Variants in ARHGEF11 observed in about 807,000 individuals in gnomAD.
The protein encoded by ARHGEF11 is Rho guanine nucleotide exchange factor 11.
ARHGEF11 carries 55 observed loss-of-function variants against 193.7 expected under a neutral mutation model. The observed-to-expected ratio is 0.28, with a 90% CI of 0.23 to 0.36. The LOEUF (loss-of-function observed/expected upper bound fraction) is 0.36. Among genes scored for constraint, ARHGEF11 ranks in the 10% least tolerant of loss-of-function variants. The pLI, the probability that ARHGEF11 is intolerant of heterozygous loss-of-function variation, is 1.00. For missense variants in ARHGEF11, 1,723 were observed against 2,005.6 expected (o/e 0.86, Z 2.69); for synonymous variants, 693 against 768.0 (o/e 0.90, Z 1.62).
chr1:156,956,369 C>A, intron 19 of ARHGEF11, 51 bp downstream of exon 19: 1 of 1,593,788 alleles, frequency 6.3e-7, no homozygotes. Flanking sequence ...CCCGCCTTGG[C>A]ATTCCAAAGT....
intron 9 of ARHGEF11, 38 bp from the exon 10 acceptor site, chr1:156,969,396 G>A (rs1363336841): frequency 1.9e-6 from 3 of 1,558,152 alleles, no homozygotes; most frequent in Non-Finnish European, 2.6e-6. Context: ...AGAAGGAGCT[G>A]TGGCCTAGGG....
intron 35 of ARHGEF11, among the ~76,000 whole-genome samples, chr1:156,940,644 G>C (rs1355139440): frequency 6.6e-6 from 1 of 152,164 alleles, no homozygotes; most frequent in African/African-American, 2.4e-5. Flanking sequence ...TTCTAGGGGA[G>C]GGACATACAA....
rs1654845571 is a variant in ARHGEF11, at chr1:156,935,202, A to G, written c.*798T>C. 1 of 152,428 alleles carries G rather than the reference A, an allele frequency of 6.6e-6. No individual in the cohort carries two copies. The highest frequency in any genetic ancestry group is 1.5e-5 in the Non-Finnish European group (1 of 68,032). 9.4% of individuals were successfully genotyped at this position (152,428 alleles called of 1,614,324 possible). A position where few individuals can be genotyped will look rare whatever the true frequency, so the allele number is the denominator to read the frequency against. ...GGGACAGGGTGGGGAAGAGGGGGAC[A>G]TAGGTGGGGTAAGAAACCCCCATGA... On this transcript the variant is annotated 3_prime_UTR_variant, in exon 41 of 41. Transcript: ENST00000368194.
intron 40 of ARHGEF11, 35 bp downstream of exon 40, chr1:156,936,781 A>G (rs868669): frequency 0.028 from 44,023 of 1,591,972 alleles, 738 homozygotes; most frequent in South Asian, 0.06. Flanking sequence ...TTCTCCCCCA[A>G]TGGTAGGAAC....
intron 1 of ARHGEF11, among the ~76,000 whole-genome samples, chr1:157,002,272 C>T (rs566930204): frequency 7.9e-5 from 12 of 152,252 alleles, no homozygotes; most frequent in Admixed American, 1.3e-4. Flanking sequence ...AGGAAATGAA[C>T]CTGGATTGGC....
Position 156,940,118 on chromosome 1 carries a change from G to A in ARHGEF11, c.3733+89C>T, listed in dbSNP as rs144855685. 1,142 of 1,453,034 alleles carry A rather than the reference G, an allele frequency of 7.9e-4. 3 individuals carry two copies. Among genetic ancestry groups the A allele is most frequent in the Middle Eastern group, 1.5e-3 (6 of 3,926 alleles). 90.0% of individuals were successfully genotyped at this position (1,453,034 alleles called of 1,614,324 possible). ...CTCAAGCACACCAGGAAGAGCCTTC[G>A]GGAAGGTGGAGGGTGCAGGCGCCTG... On this transcript the variant is annotated intron_variant, in intron 36 of 40. Coordinates refer to ENST00000368194, the MANE Select transcript of ARHGEF11 (RefSeq NM_198236.3).
intron 1 of ARHGEF11, among the ~76,000 whole-genome samples, chr1:157,024,519 T>C (rs1670412292): frequency 2.6e-5 from 4 of 152,308 alleles, no homozygotes; most frequent in Admixed American, 2.6e-4. Flanking sequence ...GGCTATGGAT[T>C]GTGAAGTCAT....
upstream of ARHGEF11, among the ~76,000 whole-genome samples, chr1:157,046,467 CTTA>C (rs1673339474): frequency 1.3e-5 from 2 of 152,048 alleles, no homozygotes; most frequent in South Asian, 4.1e-4. Flanking sequence ...CTCTTCTGAT[CTTA>C]TTTTTCAAAC....
intron 1 of ARHGEF11, among the ~76,000 whole-genome samples, chr1:157,000,311 A>G (rs1008495612): frequency 6.6e-6 from 1 of 152,206 alleles, no homozygotes; most frequent in African/African-American, 2.4e-5. Flanking sequence ...AAGATAAGTA[A>G]ATATGTTCTG....
rs1347756439 is a variant in ARHGEF11 at position 156,936,509 on chromosome 1, T to A, written c.4630+307A>T. On this transcript the variant is annotated intron_variant, in intron 40 of 40. Transcript: ENST00000368194. ...AAAAAAAAAAAAAAATATATATATA[T>A]ATATATATATATATATAAAATTAAA... Among the ~76,000 whole-genome samples, 13 of 123,804 alleles carry A rather than the reference T, an allele frequency of 1.1e-4. 2 individuals carry two copies. The highest frequency in any genetic ancestry group is 4.0e-4 in the African/African-American group (11 of 27,574). The allele number at this position is 123,804 out of a possible 152,430, so 81.2% of individuals were successfully genotyped here.
At chr1:156,976,939 T>C (rs1663345187) in intron 7 of ARHGEF11, 44 bp downstream of exon 7, 1 of 1,545,486 alleles carries the variant, frequency 6.5e-7, no homozygotes, top group Non-Finnish European at 8.9e-7. Context: ...TAAAGTATTA[T>C]TTCACTCAGG....
chr1:156,949,093 T>C, intron 22 of ARHGEF11: 2 of 985,436 alleles, frequency 2.0e-6, no homozygotes. Context: ...CCAGTTGTGA[T>C]GTGGATGAGT....
intron 1 of ARHGEF11, 36 bp downstream of exon 1, chr1:157,044,263 G>A (rs879244132): frequency 1.3e-6 from 2 of 1,599,696 alleles, no homozygotes; most frequent in South Asian, 2.2e-5. Context: ...CTTTCCTTTA[G>A]TCAATGTTGA....
At position 156,947,093 on chromosome 1, in the gene ARHGEF11, ATC is replaced by A. The variant is rs1658282067; in HGVS notation, c.2489-80_2489-79del. 3 of 1,552,770 alleles carry A rather than the reference ATC, an allele frequency of 1.9e-6. No individual in the cohort carries two copies. The African/African-American group carries it at 4.1e-5, about 21-fold the overall frequency. On this transcript the variant is annotated intron_variant, in intron 26 of 40. Transcript: ENST00000368194. The stretch of plus-strand genomic sequence containing the variant: ...GAACCTTTCTGACAGAGAGAAGTGA[ATC>A]TCTGACAGCAGTGCCATGGGAAGGG...
At chr1:156,967,755 G>A (rs1403383142) in intron 11 of ARHGEF11, among the ~76,000 whole-genome samples, 1 of 152,202 alleles carries the variant, frequency 6.6e-6, no homozygotes, top group Non-Finnish European at 1.5e-5. Flanking sequence ...CCCTACAGAT[G>A]CATTCACCCA....
chr1:157,023,300 C>G (rs746829791), intron 1 of ARHGEF11, among the ~76,000 whole-genome samples: 1 of 151,788 alleles, frequency 6.6e-6, no homozygotes, highest in Non-Finnish European at 1.5e-5. Flanking sequence ...AATAAAGGGA[C>G]GAATAACTTA....
rs368852567 is a variant in ARHGEF11, at chr1:156,980,543, C to G, written c.224-57G>C. 16 of 1,544,002 alleles carry G rather than the reference C, an allele frequency of 1.0e-5. No individual in the cohort carries two copies. The Admixed American group carries it at 2.9e-4, about 28-fold the overall frequency. ...AACAACCTCTTCCACTGAAGCTACA[C>G]GAAGGTCCCTGTCAGATCACCTCTC... On this transcript the variant is annotated intron_variant, in intron 3 of 40. Coordinates refer to ENST00000368194, the MANE Select transcript of ARHGEF11 (RefSeq NM_198236.3).
Position 156,954,858 on chromosome 1 carries a change from G to T in ARHGEF11, c.1798+34C>A, listed in dbSNP as rs1422150283. On this transcript the variant is annotated intron_variant, in intron 21 of 40. Transcript: ENST00000368194. The stretch of plus-strand genomic sequence containing the variant: ...TGGGAGATGGAAACTCAATGCTAAT[G>T]CAAAGACAAACCCAAATAAAATGGT... 11 of 1,579,856 alleles carry T rather than the reference G, an allele frequency of 7.0e-6. No homozygotes were observed. In the South Asian group the frequency reaches 1.2e-4, roughly 18 times the overall value.
At chr1:156,941,091 C>T (rs543171383) in intron 35 of ARHGEF11, among the ~76,000 whole-genome samples, 372 of 146,352 alleles carry the variant, frequency 2.5e-3, no homozygotes, top group Admixed American at 4.0e-3. Flanking sequence ...CCGTGGATCC[C>T]GCCAGACTGC....
Sources: gnomAD v4.1 joint callset for allele counts (sites outside exome capture counted in the v4.1 genomes callset) on GRCh38, gnomAD v4.1.1 for gene constraint, MANE v1.5 for transcripts, NCBI Gene and HGNC (gene_info 2026-07-23, HGNC 2026-07-21) for gene names.